The following CTNNBL1 variants were observed in gnomAD, a reference collection of about 807,000 sequenced individuals.
CTNNBL1 encodes the protein beta-catenin-like protein 1.
CTNNBL1 carries 31 observed loss-of-function variants against 72.7 expected under a neutral mutation model. The ratio of observed to expected loss-of-function variants is 0.43; its 90% CI spans 0.32 to 0.58. The LOEUF (loss-of-function observed/expected upper bound fraction) is 0.58. Among genes scored for constraint, CTNNBL1 ranks in the 20% least tolerant of loss-of-function variants. The probability of loss-of-function intolerance (pLI) is 0.08; values close to 1 mark genes in which losing one functional copy is unlikely to be tolerated. For missense variants in CTNNBL1, 534 were observed against 725.1 expected, an observed-to-expected ratio of 0.74 and a Z score of 3.03; for synonymous variants, 240 against 267.3, an observed-to-expected ratio of 0.90 and a Z score of 1.00.
intron 11 of CTNNBL1, among the ~76,000 whole-genome samples, chr20:37,805,308 A>G (rs2071945869): frequency 6.6e-6 from 1 of 151,362 alleles, no homozygotes; most frequent in Non-Finnish European, 1.5e-5. Flanking sequence ...GGCTTCCAGC[A>G]TGCTCTTCCC....
intron 1 of CTNNBL1, among the ~76,000 whole-genome samples, chr20:37,701,395 A>C (rs1247408369): frequency 1.3e-5 from 2 of 152,190 alleles, no homozygotes; most frequent in African/African-American, 4.8e-5. Context: ...TCCTGTGCCA[A>C]GTATTGCATG....
intron 1 of CTNNBL1, among the ~76,000 whole-genome samples, chr20:37,726,753 C>T (rs764983309): frequency 6.6e-6 from 1 of 152,156 alleles, no homozygotes; most frequent in East Asian, 1.9e-4. Context: ...GTACCTTTTA[C>T]GAATTATCCC....
At chr20:37,865,174 A>G (rs918519857) in intron 15 of CTNNBL1, among the ~76,000 whole-genome samples, 1 of 152,194 alleles carries the variant, frequency 6.6e-6, no homozygotes, top group African/African-American at 2.4e-5. Flanking sequence ...GGTGCTAGGC[A>G]GGCTTCTAAG....
chr20:37,704,388 T>A (rs2122546770), intron 1 of CTNNBL1, among the ~76,000 whole-genome samples: 1 of 152,260 alleles, frequency 6.6e-6, no homozygotes, highest in East Asian at 1.9e-4. Flanking sequence ...CCTTCCTTTC[T>A]GTTCCAACCG....
At chr20:37,816,985 T>A (rs1220129266) in intron 11 of CTNNBL1, among the ~76,000 whole-genome samples, 1 of 152,230 alleles carries the variant, frequency 6.6e-6, no homozygotes, top group East Asian at 1.9e-4. Context: ...AGTGTGATAG[T>A]GTCTCACATT....
At chr20:37,701,813 G>A (rs906061173) in intron 1 of CTNNBL1, among the ~76,000 whole-genome samples, 9 of 152,128 alleles carry the variant, frequency 5.9e-5, no homozygotes, top group East Asian at 5.8e-4. Flanking sequence ...TACATCGTAC[G>A]CTCATCTCAG....
At chr20:37,718,231 G>T (rs1192239901) in intron 1 of CTNNBL1, among the ~76,000 whole-genome samples, 10 of 146,912 alleles carry the variant, frequency 6.8e-5, no homozygotes, top group African/African-American at 2.1e-4. Context: ...CTGGCCGGGC[G>T]GGGGGCTGAC....
intron 1 of CTNNBL1, among the ~76,000 whole-genome samples, chr20:37,704,896 T>G (rs2072872707): frequency 6.6e-6 from 1 of 152,234 alleles, no homozygotes; most frequent in African/African-American, 2.4e-5. Context: ...CTAAGTTGCC[T>G]TGCTAATTTT....
chr20:37,707,257 C>T (rs2072893628), intron 1 of CTNNBL1, among the ~76,000 whole-genome samples: 1 of 152,220 alleles, frequency 6.6e-6, no homozygotes, highest in Non-Finnish European at 1.5e-5. Flanking sequence ...CAGGCATTGA[C>T]TTCTCTCTAG....
At chr20:37,835,798 A>G (rs1285794532) in intron 11 of CTNNBL1, among the ~76,000 whole-genome samples, 1 of 152,214 alleles carries the variant, frequency 6.6e-6, no homozygotes, top group African/African-American at 2.4e-5. Context: ...GTGATAAATA[A>G]GCTCAGTGGA....
intron 8 of CTNNBL1, 118 bp from the exon 9 acceptor site, chr20:37,777,536 T>C (rs1001422426): frequency 7.2e-7 from 1 of 1,381,394 alleles, no homozygotes; most frequent in African/African-American, 1.4e-5. Context: ...CTCCCTGTGC[T>C]GCTTTTGTAC....
At chr20:37,712,225 C>G (rs1261395812) in intron 1 of CTNNBL1, among the ~76,000 whole-genome samples, 1 of 152,200 alleles carries the variant, frequency 6.6e-6, no homozygotes, top group African/African-American at 2.4e-5. Context: ...AGGCTTGGCT[C>G]AGAAAATGTG....
intron 13 of CTNNBL1, among the ~76,000 whole-genome samples, chr20:37,843,538 C>G (rs2072322462): frequency 6.6e-6 from 1 of 152,216 alleles, no homozygotes; most frequent in Non-Finnish European, 1.5e-5. Flanking sequence ...TCTTATCCAC[C>G]TCTTCCCTTT....
In CTNNBL1 at chr20:37,737,453, T is replaced by G. The variant is rs1600454004; in HGVS notation, c.295T>G (p.Leu99Val). 7 of 1,612,854 alleles carry G rather than the reference T, an allele frequency of 4.3e-6. No homozygotes were observed. In the East Asian group the frequency reaches 1.6e-4, roughly 36 times the overall value. Reference protein sequence around the residue: ...FEKRSYKNQELRIKFPDNPEK... With the variant: ...FEKRSYKNQEVRIKFPDNPEK... ...AAAGAGATCATATAAAAACCAAGAATTGCGGATTAAGTTTCCAGACAATCC... is the reference window on the plus strand; with the variant it reads ...AAAGAGATCATATAAAAACCAAGAAGTGCGGATTAAGTTTCCAGACAATCC... The change falls in exon 3 of 16, where the codon TTG becomes GTG. Residue 99 changes from leucine (L) to valine (V), a missense_variant. Physicochemically the swap from Leu to Val is conservative, Grantham distance 32 (BLOSUM62 1). Transcript: ENST00000361383.
At chr20:37,871,606 G>A (rs574515519) in intron 15 of CTNNBL1, among the ~76,000 whole-genome samples, 2 of 152,326 alleles carry the variant, frequency 1.3e-5, no homozygotes, top group African/African-American at 4.8e-5. Flanking sequence ...CGTTGAGGAT[G>A]AGGTTTCAGC....
chr20:37,831,195 G>C (rs899107037), intron 11 of CTNNBL1, among the ~76,000 whole-genome samples: 3 of 152,068 alleles, frequency 2.0e-5, no homozygotes, highest in African/African-American at 7.2e-5. Flanking sequence ...TTTTTCTTCT[G>C]TCTCAGTTCT....
chr20:37,814,719 T>C (rs1319817793), intron 11 of CTNNBL1, among the ~76,000 whole-genome samples: 1 of 152,096 alleles, frequency 6.6e-6, no homozygotes, highest in Middle Eastern at 3.2e-3. Flanking sequence ...GATCCTTCTA[T>C]AAAAAGACAA....
intron 12 of CTNNBL1, 175 bp from the exon 13 acceptor site, chr20:37,842,164 C>G (rs917722858): frequency 4.3e-5 from 26 of 598,944 alleles, no homozygotes; most frequent in African/African-American, 3.7e-4. Flanking sequence ...CTGCCCCAGC[C>G]CTTTGATCCA....
intron 1 of CTNNBL1, among the ~76,000 whole-genome samples, chr20:37,702,237 T>C (rs905060979): frequency 6.6e-6 from 1 of 152,234 alleles, no homozygotes; most frequent in African/African-American, 2.4e-5. Context: ...TCCACTAATC[T>C]ACTAGGTATA....
Sources: gnomAD v4.1 joint callset for allele counts (sites outside exome capture counted in the v4.1 genomes callset) on GRCh38, gnomAD v4.1.1 for gene constraint, MANE v1.5 for transcripts, NCBI Gene and HGNC (gene_info 2026-07-23, HGNC 2026-07-21) for gene names.